GRID2: variants seen among roughly 807,000 people sequenced by gnomAD.
The protein encoded by GRID2 is glutamate ionotropic receptor delta type subunit 2.
Under a neutral mutation model 114.8 loss-of-function variants are expected in GRID2, and 33 were observed. The observed-to-expected ratio is 0.29, with a 90% CI of 0.22 to 0.38. The LOEUF is 0.38. Among genes scored for constraint, GRID2 ranks in the 10% least tolerant of loss-of-function variants. The probability of loss-of-function intolerance (pLI) is 1.00; values close to 1 mark genes in which losing one functional copy is unlikely to be tolerated. For missense variants in GRID2, 1,184 were observed against 1,257.7 expected, an observed-to-expected ratio of 0.94 and a Z score of 0.89; for synonymous variants, 505 against 449.9, an observed-to-expected ratio of 1.12 and a Z score of -1.55.
chr4:92,559,785 C>T (rs934303235), intron 1 of GRID2, among the ~76,000 whole-genome samples: 1 of 152,130 alleles, frequency 6.6e-6, no homozygotes, highest in African/African-American at 2.4e-5. Context: ...GGTTTGTATA[C>T]AAATAAGAGG....
chr4:93,300,138 T>G (rs1754713500), intron 8 of GRID2, among the ~76,000 whole-genome samples: 1 of 152,118 alleles, frequency 6.6e-6, no homozygotes, highest in African/African-American at 2.4e-5. Flanking sequence ...TGTGATGGGG[T>G]CTCCTTATGT....
At chr4:93,572,748 C>T (rs1353334710) in intron 13 of GRID2, among the ~76,000 whole-genome samples, 1 of 152,108 alleles carries the variant, frequency 6.6e-6, no homozygotes, top group Non-Finnish European at 1.5e-5. Context: ...CACACGACCA[C>T]ACCCACAGTA....
chr4:92,736,835 A>G (rs765003949), intron 2 of GRID2, among the ~76,000 whole-genome samples: 16 of 152,092 alleles, frequency 1.1e-4, no homozygotes, highest in Non-Finnish European at 2.1e-4. Flanking sequence ...TATATATGGT[A>G]AAGTTTATAG....
chr4:93,269,147 T>C (rs1162641356), intron 8 of GRID2, among the ~76,000 whole-genome samples: 2 of 152,188 alleles, frequency 1.3e-5, no homozygotes, highest in African/African-American at 4.8e-5. Context: ...GACTAGAATA[T>C]CCATGTCTGG....
At chr4:92,628,422 G>A (rs1013692246) in intron 2 of GRID2, among the ~76,000 whole-genome samples, 4 of 152,026 alleles carry the variant, frequency 2.6e-5, no homozygotes, top group South Asian at 4.2e-4. Flanking sequence ...GCAGTGGTGC[G>A]ATCTCGGCTC....
intron 2 of GRID2, among the ~76,000 whole-genome samples, chr4:92,957,529 T>C (rs1476542458): frequency 2.0e-5 from 3 of 152,146 alleles, no homozygotes; most frequent in Non-Finnish European, 4.4e-5. Flanking sequence ...CTCTTACCAA[T>C]ACCACACTCT....
rs1419736752 is a variant in GRID2 at position 92,551,569 on chromosome 4, A to T, written c.89-38562A>T. Among the ~76,000 whole-genome samples, 9 of 152,268 alleles carry T rather than the reference A, an allele frequency of 5.9e-5. No homozygotes were observed. In the East Asian group the frequency reaches 1.5e-3, roughly 26 times the overall value. The stretch of plus-strand genomic sequence containing the variant: ...AGGATTACATTTGTTTTAGCTAATC[A>T]TTCATTTATGCATCTATTCATGCAA... On this transcript the variant is annotated intron_variant, in intron 1 of 15. Coordinates refer to ENST00000282020, the MANE Select transcript of GRID2 (RefSeq NM_001510.4).
At position 93,801,710 on chromosome 4, in the gene GRID2, G is replaced by A. The variant is rs369449523; in HGVS notation, c.222-5005G>A. Among the ~76,000 whole-genome samples the A allele has an allele frequency of 2.6e-5, 4 of 152,222 alleles. No individual in the cohort carries two copies. In the South Asian group the frequency reaches 8.3e-4, roughly 31 times the overall value. On this transcript the variant is annotated intron_variant, in intron 1 of 1. Coordinates refer to the GRID2 transcript ENST00000637838. Reference sequence around the variant, plus strand: ...CACTTTCTCACATTTTTAATGGAAAGTAATGAGAAATAAAATAGCTAAACA... The same window carrying A: ...CACTTTCTCACATTTTTAATGGAAAATAATGAGAAATAAAATAGCTAAACA...
intron 13 of GRID2, among the ~76,000 whole-genome samples, chr4:93,596,862 G>T (rs563985951): frequency 5.9e-5 from 9 of 152,254 alleles, no homozygotes; most frequent in Non-Finnish European, 1.0e-4. Context: ...CAATATAATT[G>T]ATTTAATACG....
At chr4:93,264,806 T>C (rs992451766) in intron 8 of GRID2, among the ~76,000 whole-genome samples, 14 of 148,344 alleles carry the variant, frequency 9.4e-5, no homozygotes, top group Non-Finnish European at 1.5e-4. Flanking sequence ...TTTTTTGAGA[T>C]GGAGTCCTGC....
intron 2 of GRID2, among the ~76,000 whole-genome samples, chr4:93,002,059 G>T (rs1053795407): frequency 6.6e-6 from 1 of 151,140 alleles, no homozygotes; most frequent in Non-Finnish European, 1.5e-5. Context: ...TTAGAACAAG[G>T]TGAATGTTTT....
chr4:93,509,532 T>G (rs1359537016), intron 12 of GRID2, among the ~76,000 whole-genome samples: 1 of 152,176 alleles, frequency 6.6e-6, no homozygotes, highest in Non-Finnish European at 1.5e-5. Context: ...ATAAACAATA[T>G]CTAATTCAAA....
chr4:92,316,411 G>C (rs1725983060), intron 1 of GRID2, among the ~76,000 whole-genome samples: 2 of 152,000 alleles, frequency 1.3e-5, no homozygotes, highest in Non-Finnish European at 2.9e-5. Flanking sequence ...GTGAGTTTTG[G>C]ACATTTTCTA....
intron 14 of GRID2, among the ~76,000 whole-genome samples, chr4:93,679,386 A>T (rs1725272166): frequency 6.6e-6 from 1 of 150,858 alleles, no homozygotes; most frequent in South Asian, 2.1e-4. Context: ...GAAAGTTAAC[A>T]AGGATACCCA....
chr4:92,966,336 G>A (rs938231784), intron 2 of GRID2, among the ~76,000 whole-genome samples: 7 of 151,884 alleles, frequency 4.6e-5, no homozygotes, highest in South Asian at 2.1e-4. Flanking sequence ...TCGACCCTTC[G>A]GCCAAAAAGG....
intron 4 of GRID2, among the ~76,000 whole-genome samples, chr4:93,200,514 C>G (rs924956206): frequency 2.0e-5 from 3 of 151,534 alleles, no homozygotes; most frequent in East Asian, 1.9e-4. Flanking sequence ...TGCAGTGAGC[C>G]GAGATCGCGC....
At chr4:92,337,523 G>T (rs1727250300) in intron 1 of GRID2, among the ~76,000 whole-genome samples, 1 of 152,172 alleles carries the variant, frequency 6.6e-6, no homozygotes, top group African/African-American at 2.4e-5. Context: ...CTGCTATGAA[G>T]AAATGGCTGA....
At chr4:93,022,557 TAAAG>T (rs1206360779) in intron 2 of GRID2, among the ~76,000 whole-genome samples, 1 of 152,010 alleles carries the variant, frequency 6.6e-6, no homozygotes, top group African/African-American at 2.4e-5. Context: ...AATTCCTAGT[TAAAG>T]AAACTACATT....
intron 12 of GRID2, among the ~76,000 whole-genome samples, chr4:93,506,622 G>C (rs1394508297): frequency 2.0e-5 from 3 of 152,152 alleles, no homozygotes; most frequent in African/African-American, 4.8e-5. Flanking sequence ...ACTAGAAAAG[G>C]CTGCATCATT....
Sources: allele counts gnomAD v4.1 joint callset (sites outside exome capture counted in the v4.1 genomes callset), GRCh38; gene constraint gnomAD v4.1.1; transcripts MANE v1.5; gene names NCBI Gene and HGNC (gene_info 2026-07-23, HGNC 2026-07-21).